NRXN3: variants seen among roughly 807,000 people sequenced by gnomAD.
NRXN3 encodes the protein neurexin 3.
In NRXN3, 32 loss-of-function variants were observed where a neutral mutation model predicts 137.6. That is an observed-to-expected ratio of 0.23 (90% CI 0.18 to 0.31). NRXN3 has a LOEUF of 0.31. NRXN3 is among the 10% of genes least tolerant of loss of function. The pLI, the probability that NRXN3 is intolerant of heterozygous loss-of-function variation, is 1.00. For synonymous variants in NRXN3, 798 were observed against 784.5 expected, an observed-to-expected ratio of 1.02 and a Z score of -0.29; for missense variants, 1,574 against 2,062.5, an observed-to-expected ratio of 0.76 and a Z score of 4.59.
chr14:78,359,784 C>T (rs2084851555), intron 4 of NRXN3, among the ~76,000 whole-genome samples: 1 of 152,156 alleles, frequency 6.6e-6, no homozygotes, highest in Non-Finnish European at 1.5e-5. Flanking sequence ...TACTGCTAGA[C>T]ACAGTGCCAA....
intron 16 of NRXN3, among the ~76,000 whole-genome samples, chr14:79,577,976 A>G (rs1183101097): frequency 1.3e-5 from 2 of 152,276 alleles, no homozygotes; most frequent in Non-Finnish European, 2.9e-5. Context: ...CACAATCTGC[A>G]CTGTTATTAT....
intron 6 of NRXN3, among the ~76,000 whole-genome samples, chr14:78,654,260 A>T (rs1369702153): frequency 2.0e-5 from 3 of 152,140 alleles, no homozygotes; most frequent in Non-Finnish European, 2.9e-5. Context: ...ACCCACTTAA[A>T]CCATAGAACA....
intron 6 of NRXN3, among the ~76,000 whole-genome samples, chr14:78,675,766 G>C (rs934312659): frequency 6.6e-6 from 1 of 152,076 alleles, no homozygotes; most frequent in Admixed American, 6.5e-5. Context: ...TCATTTTATT[G>C]CTCTTTACCT....
At chr14:79,723,787 G>T (rs1008342608) in intron 19 of NRXN3, among the ~76,000 whole-genome samples, 1 of 152,088 alleles carries the variant, frequency 6.6e-6, no homozygotes, top group Non-Finnish European at 1.5e-5. Context: ...GAACCTCTGA[G>T]CTAGAAAAAC....
rs1248807778 is a variant in NRXN3, at chr14:79,396,654, C to T, written c.3263-70567C>T. Among the ~76,000 whole-genome samples the T allele has an allele frequency of 3.9e-5, 6 of 152,202 alleles. 1 individual carries two copies. The East Asian group carries it at 9.7e-4, about 24-fold the overall frequency. ...GGGAAGAGGCCAGGAAAATTTCTAC[C>T]AGGAGGGTGGCAGTTTATTGATTTG... On this transcript the variant is annotated intron_variant, in intron 15 of 20. Coordinates refer to ENST00000335750, the MANE Select transcript of NRXN3 (RefSeq NM_001330195.2).
intron 16 of NRXN3, among the ~76,000 whole-genome samples, chr14:79,548,020 C>CT (rs140061915): frequency 9.4e-5 from 14 of 148,408 alleles, no homozygotes; most frequent in Admixed American, 4.7e-4. Context: ...TGTGTTATTT[C>CT]TTTTTTTTTT....
chr14:79,402,124 A>G (rs2153494167), intron 15 of NRXN3, among the ~76,000 whole-genome samples: 1 of 152,136 alleles, frequency 6.6e-6, no homozygotes, highest in South Asian at 2.1e-4. Context: ...TTGTAGAGAC[A>G]GGGTCTCCCT....
chr14:78,985,592 T>A (rs1295257751), intron 14 of NRXN3, among the ~76,000 whole-genome samples: 1 of 152,204 alleles, frequency 6.6e-6, no homozygotes, highest in Non-Finnish European at 1.5e-5. Context: ...TGGAAAAGGC[T>A]TCGTCTTTAG....
intron 4 of NRXN3, among the ~76,000 whole-genome samples, chr14:78,505,473 C>A (rs1424739870): frequency 6.6e-6 from 1 of 152,060 alleles, no homozygotes; most frequent in Non-Finnish European, 1.5e-5. Context: ...GAAGACCTGC[C>A]TCTTCTAAAG....
At chr14:79,854,034 A>G in intron 20 of NRXN3, 1 of 984,522 alleles carries the variant, frequency 1.0e-6, no homozygotes, top group Non-Finnish European at 1.2e-6. Flanking sequence ...TCCCTGTATC[A>G]TCCTCTGTTG....
At chr14:78,279,583 C>A (rs2074116268) in intron 3 of NRXN3, 1 of 152,056 alleles carries the variant, frequency 6.6e-6, no homozygotes, top group South Asian at 2.1e-4. Context: ...TCATTATATT[C>A]ATTTTAATGT....
chr14:79,522,616 T>C (rs1276898179), intron 16 of NRXN3, among the ~76,000 whole-genome samples: 1 of 152,204 alleles, frequency 6.6e-6, no homozygotes, highest in Non-Finnish European at 1.5e-5. Context: ...CTCTGTAATC[T>C]GTGAACTGTC....
At position 79,565,757 on chromosome 14, in the gene NRXN3, G is replaced by A. The variant is rs149552166; in HGVS notation, c.3445-98021G>A. On this transcript the variant is annotated intron_variant, in intron 16 of 20. Transcript: ENST00000335750. ...GTCTATTTACAGGGAATAAAGCTAA[G>A]CACATTGACTGTTCTTAGGTTAATG... Among the ~76,000 whole-genome samples the A allele has an allele frequency of 2.3e-3, 355 of 152,200 alleles. 5 individuals carry two copies. The East Asian group carries it at 0.035, about 15-fold the overall frequency.
At chr14:79,425,155 T>C (rs1438761438) in intron 15 of NRXN3, among the ~76,000 whole-genome samples, 1 of 152,192 alleles carries the variant, frequency 6.6e-6, no homozygotes, top group East Asian at 1.9e-4. Flanking sequence ...TCCCCTATGA[T>C]CGATTGCTAT....
chr14:79,429,467 G>C (rs2095710354), intron 15 of NRXN3, among the ~76,000 whole-genome samples: 1 of 152,164 alleles, frequency 6.6e-6, no homozygotes, highest in Non-Finnish European at 1.5e-5. Flanking sequence ...TCTAAAATGT[G>C]AGTAACAAGA....
intron 15 of NRXN3, among the ~76,000 whole-genome samples, chr14:79,275,533 A>G (rs1392069006): frequency 6.6e-6 from 1 of 152,142 alleles, no homozygotes; most frequent in Non-Finnish European, 1.5e-5. Flanking sequence ...TACTGTAGAA[A>G]ACAAGCAGAT....
chr14:78,881,822 A>G (rs1208389315), intron 10 of NRXN3, among the ~76,000 whole-genome samples: 1 of 151,710 alleles, frequency 6.6e-6, no homozygotes, highest in Non-Finnish European at 1.5e-5. Context: ...AATTTGCATA[A>G]GTAATGAACC....
chr14:78,740,321 C>T (rs767980424), intron 8 of NRXN3, among the ~76,000 whole-genome samples: 22 of 151,966 alleles, frequency 1.4e-4, no homozygotes, highest in Non-Finnish European at 2.5e-4. Flanking sequence ...GCTTACAGAC[C>T]CAGAGAAACC....
chr14:78,663,975 G>A (rs568666881), intron 6 of NRXN3, among the ~76,000 whole-genome samples: 9 of 152,286 alleles, frequency 5.9e-5, no homozygotes, highest in East Asian at 5.8e-4. Context: ...TTAGTGTTGC[G>A]GTGCTTTTGT....
Sources: gnomAD v4.1 joint callset for allele counts (sites outside exome capture counted in the v4.1 genomes callset) on GRCh38, gnomAD v4.1.1 for gene constraint, MANE v1.5 for transcripts, NCBI Gene and HGNC (gene_info 2026-07-23, HGNC 2026-07-21) for gene names.